AGO4: variants seen among roughly 807,000 people sequenced by gnomAD.
AGO4 encodes argonaute RISC component 4, also known as protein argonaute-4.
Under a neutral mutation model 104.7 loss-of-function variants are expected in AGO4, and 33 were observed. The observed-to-expected ratio is 0.32, with a 90% CI of 0.24 to 0.42. The LOEUF is 0.42. AGO4 is among the 10% of genes least tolerant of loss of function. AGO4 has a pLI of 1.00. For missense variants in AGO4, 711 were observed against 1,083.4 expected, an observed-to-expected ratio of 0.66 and a Z score of 4.83; for synonymous variants, 331 against 364.7, an observed-to-expected ratio of 0.91 and a Z score of 1.05.
chr1:35,823,487 G>A (rs971536722), intron 3 of AGO4, among the ~76,000 whole-genome samples: 13 of 152,020 alleles, frequency 8.6e-5, no homozygotes, highest in African/African-American at 3.1e-4. Context: ...GTGCAGTGGC[G>A]CGATCTCGGC....
intron 6 of AGO4, 85 bp downstream of exon 6, chr1:35,826,145 C>T: frequency 6.5e-7 from 1 of 1,545,098 alleles, no homozygotes; most frequent in Non-Finnish European, 8.7e-7. Context: ...CAGACCTGGG[C>T]TTCGGTCTCA....
intron 15 of AGO4, among the ~76,000 whole-genome samples, chr1:35,847,685 TAA>T (rs61125103): frequency 0.23 from 34,326 of 152,008 alleles, 6,748 homozygotes; most frequent in East Asian, 0.76. Context: ...AAAATGTGTA[TAA>T]GTTTTTACTG....
chr1:35,838,591 T>G (rs1003840381), intron 13 of AGO4, among the ~76,000 whole-genome samples: 19 of 152,320 alleles, frequency 1.2e-4, no homozygotes, highest in East Asian at 3.9e-4. Context: ...ATAGGTTTTT[T>G]TTGTTGTTGT....
At chr1:35,827,866 C>T (rs1055202558) in intron 7 of AGO4, among the ~76,000 whole-genome samples, 3 of 149,306 alleles carry the variant, frequency 2.0e-5, no homozygotes, top group Non-Finnish European at 4.4e-5. Flanking sequence ...AACCTCCCAC[C>T]TCAGACTTCC....
At chr1:35,809,686 G>T (rs1478625325) in intron 1 of AGO4, among the ~76,000 whole-genome samples, 2 of 152,116 alleles carry the variant, frequency 1.3e-5, no homozygotes, top group East Asian at 3.8e-4. Flanking sequence ...AGGTCTTTAG[G>T]AATGTAACAG....
At chr1:35,810,166 G>T (rs72659686) in intron 1 of AGO4, among the ~76,000 whole-genome samples, 6,850 of 152,286 alleles carry the variant, frequency 0.045, 218 homozygotes, top group South Asian at 0.065. Context: ...ATGTCACATG[G>T]ATCTTTTCTG....
chr1:35,813,761 A>AAAG (rs372415425), intron 1 of AGO4, among the ~76,000 whole-genome samples: 6 of 149,916 alleles, frequency 4.0e-5, no homozygotes, highest in East Asian at 2.0e-4. Context: ...AAAAAGAAAA[A>AAAG]AAGAAGAAGA....
chr1:35,838,114 G>A (rs1455460199), intron 13 of AGO4, among the ~76,000 whole-genome samples: 2 of 151,930 alleles, frequency 1.3e-5, no homozygotes, highest in African/African-American at 4.8e-5. Flanking sequence ...GTACAGTGAT[G>A]CAATCTCGGC....
At chr1:35,834,295 A>G (rs1479219184) in intron 12 of AGO4, 121 bp downstream of exon 12, 4 of 916,468 alleles carry the variant, frequency 4.4e-6, no homozygotes, top group Non-Finnish European at 4.5e-6. Context: ...AACAACAAAG[A>G]TTTGTTTCTT....
Position 35,841,396 on chromosome 1 carries a change from G to T in AGO4, c.1956G>T (p.Leu652=). 1 of 1,614,174 alleles carries T rather than the reference G, an allele frequency of 6.2e-7. No homozygotes were observed. The highest frequency in any genetic ancestry group is 8.5e-7 in the Non-Finnish European group (1 of 1,180,042). ...QDLTNMVREL[L]IQFYKSTRFK... The stretch of plus-strand genomic sequence containing the variant: ...TGACTAACATGGTTCGAGAGCTGCT[G>T]ATTCAGTTCTACAAATCCACACGCT... The change falls in exon 14 of 18, where the codon CTG becomes CTT. Residue 652 remains leucine (L), a synonymous_variant. Transcript: ENST00000373210. This position sits in a 1 kb window ranked among gnomAD's most constrained non-coding sequence, Gnocchi z 4.7.
intron 17 of AGO4, 27 bp from the exon 18 acceptor site, chr1:35,853,465 CTTTGT>C (rs762527784): frequency 1.1e-5 from 17 of 1,544,120 alleles, no homozygotes; most frequent in Admixed American, 6.2e-5. Context: ...GTTTGTTTTG[CTTTGT>C]TTTGTTTTGT....
chr1:35,852,350 G>A (rs892657745), intron 17 of AGO4, among the ~76,000 whole-genome samples: 1 of 152,194 alleles, frequency 6.6e-6, no homozygotes, highest in Non-Finnish European at 1.5e-5. Flanking sequence ...AGTCAGAAGA[G>A]GGATGGGGAT....
intron 15 of AGO4, among the ~76,000 whole-genome samples, chr1:35,842,029 G>A (rs1319157576): frequency 6.6e-6 from 1 of 151,930 alleles, no homozygotes; most frequent in East Asian, 1.9e-4. Flanking sequence ...AACATGCCAG[G>A]TACATTGTGA....
chr1:35,853,678 C>G lies in AGO4; in HGVS notation c.*73C>G. Reference sequence around the variant, plus strand: ...AAAATGTTTCAAATGCCTACCGCCTCTAGATCGAGCCACGTTGACTTCAGG... The same window carrying G: ...AAAATGTTTCAAATGCCTACCGCCTGTAGATCGAGCCACGTTGACTTCAGG... On this transcript the variant is annotated 3_prime_UTR_variant, in exon 18 of 18. Transcript: ENST00000373210. The G allele has an allele frequency of 7.7e-7, 1 of 1,293,542 alleles. No individual in the cohort carries two copies. 80.1% of individuals were successfully genotyped at this position (1,293,542 alleles called of 1,614,324 possible).
At chr1:35,822,020 C>T (rs1440737759) in intron 2 of AGO4, among the ~76,000 whole-genome samples, 3 of 151,756 alleles carry the variant, frequency 2.0e-5, no homozygotes, top group Non-Finnish European at 4.4e-5. Context: ...CCCAAGTACC[C>T]GGGATTACAC....
rs34560714 is a variant in AGO4 at position 35,829,021 on chromosome 1, G to GC, written c.848+2197dup. Among the ~76,000 whole-genome samples the GC allele has an allele frequency of 1.3e-3, 181 of 143,468 alleles. 1 individual carries two copies. The highest frequency in any genetic ancestry group is 7.6e-3 in the Middle Eastern group (2 of 264). 94.1% of individuals were successfully genotyped at this position (143,468 alleles called of 152,430 possible). On this transcript the variant is annotated intron_variant, in intron 7 of 17. Coordinates refer to ENST00000373210, the MANE Select transcript of AGO4 (RefSeq NM_017629.4). ...ATTTACATTATTTTGGTTACTCAGA[G>GC]CCCCCCCCCCCACACACACACCTTT... is the stretch of plus-strand genomic sequence containing the variant.
At chr1:35,821,769 T>C (rs148030043) in intron 2 of AGO4, among the ~76,000 whole-genome samples, 63 of 152,284 alleles carry the variant, frequency 4.1e-4, no homozygotes, top group Middle Eastern at 3.4e-3. Flanking sequence ...TACAGAATAA[T>C]AAATCACTGG....
intron 2 of AGO4, among the ~76,000 whole-genome samples, chr1:35,821,950 C>G (rs75807978): frequency 6.6e-6 from 1 of 151,106 alleles, no homozygotes; most frequent in Non-Finnish European, 1.5e-5. Context: ...TACAGTGGAA[C>G]GATCTCAGCT....
intron 7 of AGO4, 139 bp from the exon 8 acceptor site, chr1:35,831,288 G>A: frequency 1.3e-6 from 1 of 797,374 alleles, no homozygotes; most frequent in South Asian, 2.4e-5. Flanking sequence ...ATTGAACCCG[G>A]GAGGCGGAGG....
Sources: gnomAD v4.1 joint callset for allele counts (sites outside exome capture counted in the v4.1 genomes callset) on GRCh38, gnomAD v4.1.1 for gene constraint, Gnocchi (gnomAD v3.1) non-coding constraint, MANE v1.5 for transcripts, NCBI Gene and HGNC (gene_info 2026-07-23, HGNC 2026-07-21) for gene names.